The following OPHN1 variants were observed in gnomAD, a reference collection of about 807,000 sequenced individuals.
OPHN1 encodes oligophrenin 1.
A neutral mutation model predicts 60.7 loss-of-function variants in OPHN1; 11 were observed. The ratio of observed to expected loss-of-function variants is 0.18; its 90% CI spans 0.11 to 0.30. The LOEUF (loss-of-function observed/expected upper bound fraction) is 0.30, where lower values mean the gene tolerates loss of function less well. Among genes scored for constraint, OPHN1 ranks in the 10% least tolerant of loss-of-function variants. OPHN1 has a pLI of 1.00. For synonymous variants in OPHN1, 226 were observed against 222.6 expected (o/e 1.02, Z -0.14); for missense variants, 449 against 611.0 (o/e 0.73, Z 2.80).
At chrX:68,078,704 AG>A (rs1442213730) in intron 19 of OPHN1, among the ~76,000 whole-genome samples, 1 of 111,099 alleles carries the variant, frequency 9.0e-6, no homozygotes, top group Non-Finnish European at 1.9e-5. Flanking sequence ...AAACTTCTTC[AG>A]CTGGGCGCGG....
intron 20 of OPHN1, chrX:68,070,982 T>G: frequency 3.5e-6 from 4 of 1,150,834 alleles, no homozygotes; most frequent in Non-Finnish European, 4.8e-6. Context: ...TCTTTGACAA[T>G]CTTGGCTCCC....
chrX:68,432,326 T>C (rs1279398836), intron 2 of OPHN1, among the ~76,000 whole-genome samples: 6 of 111,914 alleles, frequency 5.4e-5, no homozygotes, highest in African/African-American at 1.9e-4. Context: ...CATAGCTCAG[T>C]GTGATAAAGA....
At chrX:68,423,100 A>G (rs2078837978) in intron 2 of OPHN1, among the ~76,000 whole-genome samples, 2 of 108,175 alleles carry the variant, frequency 1.8e-5, no homozygotes, top group African/African-American at 3.5e-5. Context: ...ATCTCGGCTC[A>G]CTGCAAGCTC....
intron 24 of OPHN1, among the ~76,000 whole-genome samples, chrX:68,047,594 G>T (rs1365212073): frequency 1.8e-5 from 2 of 111,587 alleles, no homozygotes; most frequent in Non-Finnish European, 3.8e-5. Flanking sequence ...GGGAAAAAAA[G>T]AAGGTTAGGG....
At chrX:68,189,492 C>A (rs1438768260) in intron 15 of OPHN1, among the ~76,000 whole-genome samples, 1 of 109,450 alleles carries the variant, frequency 9.1e-6, no homozygotes, top group African/African-American at 3.3e-5. Flanking sequence ...TCTCCTAATG[C>A]TATCCCTCCC....
chrX:68,403,632 A>G (rs2078726140), intron 2 of OPHN1, among the ~76,000 whole-genome samples: 1 of 110,411 alleles, frequency 9.1e-6, no homozygotes, highest in South Asian at 3.9e-4. Flanking sequence ...GTGCCTTTCG[A>G]CTTTAAAAAA....
intron 5 of OPHN1, among the ~76,000 whole-genome samples, chrX:68,269,245 T>C (rs186778998): frequency 9.0e-6 from 1 of 111,599 alleles, no homozygotes; most frequent in East Asian, 2.8e-4. Flanking sequence ...TACTTTGAAG[T>C]TCATATGGAA....
chrX:68,234,388 G>T, intron 6 of OPHN1, 99 bp downstream of exon 6: 1 of 670,746 alleles, frequency 1.5e-6, no homozygotes, highest in Non-Finnish European at 2.4e-6. Flanking sequence ...GAGGTTCCCT[G>T]CTGAGACGGG....
At chrX:68,315,762 A>G (rs767451594) in intron 2 of OPHN1, among the ~76,000 whole-genome samples, 1 of 111,814 alleles carries the variant, frequency 8.9e-6, no homozygotes, top group East Asian at 2.8e-4. Flanking sequence ...ATTTCTATAC[A>G]CTAAAAAATT....
intron 6 of OPHN1, among the ~76,000 whole-genome samples, chrX:68,233,606 C>T (rs191888123): frequency 9.0e-6 from 1 of 111,328 alleles, no homozygotes; most frequent in Admixed American, 9.6e-5. Context: ...ATCTAATTCA[C>T]CCTACAACCT....
At chrX:68,110,571 C>G (rs1193750232) in intron 18 of OPHN1, among the ~76,000 whole-genome samples, 2 of 111,983 alleles carry the variant, frequency 1.8e-5, no homozygotes, top group Non-Finnish European at 3.8e-5. Flanking sequence ...CTAGGTCACA[C>G]AGCATATTTG....
chrX:68,204,916 A>G (rs1437600816), intron 10 of OPHN1, among the ~76,000 whole-genome samples: 1 of 112,166 alleles, frequency 8.9e-6, no homozygotes, highest in Non-Finnish European at 1.9e-5. Flanking sequence ...TGCCTACAAA[A>G]GGAGCTTTCC....
At chrX:68,374,876 G>A (rs985476685) in intron 2 of OPHN1, among the ~76,000 whole-genome samples, 6 of 111,962 alleles carry the variant, frequency 5.4e-5, no homozygotes, top group Admixed American at 1.9e-4. Context: ...TACGTTCAAC[G>A]TCATTAGTCA....
intron 2 of OPHN1, among the ~76,000 whole-genome samples, chrX:68,402,132 G>T (rs967566740): frequency 9.0e-6 from 1 of 111,104 alleles, no homozygotes. Context: ...GGCAAAAAGT[G>T]AAAAGTGTTT....
intron 2 of OPHN1, among the ~76,000 whole-genome samples, chrX:68,393,626 G>GT (rs1257956059): frequency 9.1e-6 from 1 of 110,071 alleles, no homozygotes; most frequent in South Asian, 3.9e-4. Context: ...TTTCCTTTCT[G>GT]TTTTTTTCAA....
intron 16 of OPHN1, among the ~76,000 whole-genome samples, chrX:68,113,981 AG>A (rs1355143303): frequency 3.1e-5 from 2 of 63,986 alleles, no homozygotes; most frequent in African/African-American, 1.7e-4. Context: ...AAAAAAAAAA[AG>A]AAAAAAAAAA....
chrX:68,402,247 A>G (rs1300246644), intron 2 of OPHN1, among the ~76,000 whole-genome samples: 2 of 108,598 alleles, frequency 1.8e-5, no homozygotes, highest in African/African-American at 6.7e-5. Flanking sequence ...TGTAAGGGTC[A>G]TGAGAGAGGA....
At chrX:68,359,683 C>T (rs1362902965) in intron 2 of OPHN1, among the ~76,000 whole-genome samples, 1 of 108,368 alleles carries the variant, frequency 9.2e-6, no homozygotes, top group African/African-American at 3.4e-5. Flanking sequence ...GGTGAAACCC[C>T]GTCTCTACTA....
In OPHN1 at chrX:68,418,557, C is replaced by T. The variant is rs768586636; in HGVS notation, c.154+14310G>A. 6.5e-4 allele frequency among the ~76,000 whole-genome samples: 72 copies of T among 111,607 alleles called. No homozygotes were observed. The Middle Eastern group carries it at 0.023, about 36-fold the overall frequency. ...ACGCAGACTTCCCAAACGCACCCTA[C>T]AAGGCATAACCATTGACCTCCTTCT... On this transcript the variant is annotated intron_variant, in intron 2 of 24. Coordinates refer to ENST00000355520, the MANE Select transcript of OPHN1 (RefSeq NM_002547.3).
Sources: allele counts gnomAD v4.1 joint callset (sites outside exome capture counted in the v4.1 genomes callset), GRCh38; gene constraint gnomAD v4.1.1; transcripts MANE v1.5; gene names NCBI Gene and HGNC (gene_info 2026-07-23, HGNC 2026-07-21).